The following HGS variants were observed in gnomAD, a reference collection of about 807,000 sequenced individuals.
HGS encodes the protein hepatocyte growth factor-regulated tyrosine kinase substrate.
In HGS, 63 loss-of-function variants were observed where a neutral mutation model predicts 109.7. The ratio of observed to expected loss-of-function variants is 0.57; its 90% CI spans 0.47 to 0.71. The LOEUF (loss-of-function observed/expected upper bound fraction) is 0.71, where lower values mean the gene tolerates loss of function less well. Ranked by LOEUF, HGS falls within the 30% of genes least tolerant of loss-of-function variation. The pLI, the probability that HGS is intolerant of heterozygous loss-of-function variation, is 0.00. For missense variants in HGS, 995 were observed against 1,068.3 expected, an observed-to-expected ratio of 0.93 and a Z score of 0.96; for synonymous variants, 546 against 437.3, an observed-to-expected ratio of 1.25 and a Z score of -3.10.
chr17:81,701,236 G>C (rs1168766031), intron 21 of HGS, 105 bp downstream of exon 21: 7 of 1,052,844 alleles, frequency 6.6e-6, no homozygotes, highest in Middle Eastern at 2.1e-4. Context: ...CCGTACGTCT[G>C]CTCACAGGGG....
At position 81,691,456 on chromosome 17, in the gene HGS, C is replaced by T. The variant is rs970674266; in HGVS notation, c.547C>T (p.Arg183Trp). 1 of 1,614,056 alleles carries T rather than the reference C, an allele frequency of 6.2e-7. No homozygotes were observed. The highest frequency in any genetic ancestry group is 8.5e-7 in the Non-Finnish European group (1 of 1,180,002). ...CCGCCCCATCTTACAGCACCACTGC[C>T]GGGCGTGTGGGCAGATATTCTGTGG... ...FGVMTRKHHC[R>W]ACGQIFCGKC... The change falls in exon 8 of 22, where the codon CGG (arginine) becomes TGG (tryptophan). Residue 183 changes from arginine to tryptophan, a missense_variant. Arg to Trp is a moderately radical substitution (Grantham distance 101). Coordinates refer to ENST00000329138, the MANE Select transcript of HGS (RefSeq NM_004712.5). This position sits in a 1 kb window ranked among gnomAD's most constrained non-coding sequence, Gnocchi z 5.3.
At chr17:81,701,021 A>T (rs1345892180) in intron 20 of HGS, 24 bp from the exon 21 acceptor site, 2 of 1,604,562 alleles carry the variant, frequency 1.2e-6, no homozygotes, top group Admixed American at 3.3e-5. Context: ...CTACTCTCTC[A>T]CATCTGACGT....
chr17:81,693,303 C>T (rs746332038), intron 8 of HGS, among the ~76,000 whole-genome samples, 200 bp from the exon 9 acceptor site: 29 of 152,212 alleles, frequency 1.9e-4, no homozygotes, highest in Admixed American at 7.2e-4. Context: ...CTCACCCGAG[C>T]CCTTGTGGCT....
chr17:81,700,894 C>T, intron 20 of HGS, 80 bp downstream of exon 20: 1 of 1,566,868 alleles, frequency 6.4e-7, no homozygotes, highest in South Asian at 1.2e-5. Flanking sequence ...GTGAGGCTGG[C>T]AGGCACTGGG....
Position 81,695,804 on chromosome 17 carries a change from G to A in HGS, c.1198G>A (p.Glu400Lys), listed in dbSNP as rs1300828876. Reference sequence around the variant, plus strand: ...CCTGCAGCCACAGTTCCACAATGGCGAGTCTGAGGAGAGCCACGAGCAGTT... The same window carrying A: ...CCTGCAGCCACAGTTCCACAATGGCAAGTCTGAGGAGAGCCACGAGCAGTT... ...PFSEPQFHNG[E>K]SEESHEQFLK... Residue 400 changes from glutamate to lysine, a missense_variant, in exon 15 of 22, where the codon GAG becomes AAG. Around this residue, in one of 6 missense-constraint regions of HGS, gnomAD observed 300 missense variants for 235.4 expected, o/e 1.27. Coordinates refer to ENST00000329138, the MANE Select transcript of HGS (RefSeq NM_004712.5). 1.5e-5 allele frequency: 25 copies of A among 1,613,338 alleles called. No individual in the cohort carries two copies. The highest frequency in any genetic ancestry group is 2.1e-5 in the Non-Finnish European group (25 of 1,180,018).
Position 81,701,707 on chromosome 17 carries a change from C to A in HGS, c.*89C>A. 1 of 1,483,582 alleles carries A rather than the reference C, an allele frequency of 6.7e-7. No homozygotes were observed. 91.9% of individuals were successfully genotyped at this position (1,483,582 alleles called of 1,614,324 possible). On this transcript the variant is annotated 3_prime_UTR_variant, in exon 22 of 22. Coordinates refer to ENST00000329138, the MANE Select transcript of HGS (RefSeq NM_004712.5). Reference sequence around the variant, plus strand: ...ACTGCCGTCGTCCTGCCTCCCTGTCCTCTACTGCCGGTAGTGTCCCTTCTC... The same window carrying A: ...ACTGCCGTCGTCCTGCCTCCCTGTCATCTACTGCCGGTAGTGTCCCTTCTC...
At chr17:81,698,145 A>G (rs2037182972) in intron 18 of HGS, 1 of 152,220 alleles carries the variant, frequency 6.6e-6, no homozygotes, top group African/African-American at 2.4e-5. Context: ...TAAACATACA[A>G]ACATTAGGTG....
chr17:81,697,099 G>C lies in HGS; in HGVS notation c.1882+101G>C, dbSNP rs967042549. 40 of 1,278,656 alleles carry C rather than the reference G, an allele frequency of 3.1e-5. No individual in the cohort carries two copies. In the South Asian group the frequency reaches 6.0e-4, roughly 19 times the overall value. The allele number at this position is 1,278,656 out of a possible 1,614,324, so 79.2% of individuals were successfully genotyped here. ...AAGAATGGTGCGAAGGGTTTTCCCA[G>C]TTGCCCCGATGTGAATGTTGTCCCT... On this transcript the variant is annotated intron_variant, in intron 18 of 21. Coordinates refer to ENST00000329138, the MANE Select transcript of HGS (RefSeq NM_004712.5).
At chr17:81,695,658 T>C in intron 14 of HGS, 128 bp from the exon 15 acceptor site, 3 of 802,184 alleles carry the variant, frequency 3.7e-6, no homozygotes, top group Non-Finnish European at 6.2e-6. Flanking sequence ...TAGAAGGGGC[T>C]GCTTGCATAA....
chr17:81,701,065 A>G lies in HGS; in HGVS notation c.2157A>G (p.Pro719=). The G allele has an allele frequency of 6.2e-7, 1 of 1,613,988 alleles. No individual in the cohort carries two copies. Among genetic ancestry groups the G allele is most frequent in the Non-Finnish European group, 8.5e-7 (1 of 1,179,988 alleles). Residue 719 remains proline (P), a synonymous_variant, in exon 21 of 22, where the codon CCA becomes CCG. Transcript: ENST00000329138. ...AACAGAATCTCATGACCACCCTCCC[A>G]AGCCAGGATGCGTCTCTGCCACCCC... ...YNMQNLMTTL[P]SQDASLPPQQ...
At chr17:81,686,131 G>A (rs2036975915) in intron 2 of HGS, 181 bp from the exon 3 acceptor site, 4 of 590,274 alleles carry the variant, frequency 6.8e-6, no homozygotes, top group East Asian at 2.9e-5. Flanking sequence ...GGTTTTTGCC[G>A]TAATGCACAG....
At chr17:81,692,119 G>A (rs545639532) in intron 8 of HGS, 9 of 157,928 alleles carry the variant, frequency 5.7e-5, no homozygotes, top group African/African-American at 2.2e-4. Context: ...GTGCTCTCAT[G>A]GCCACAGCAG....
intron 1 of HGS, chr17:81,685,177 C>T: frequency 1.7e-6 from 1 of 580,464 alleles, no homozygotes; most frequent in Non-Finnish European, 2.2e-6. Context: ...TAGCCCTTGC[C>T]CAAGCTAAGG....
intron 2 of HGS, 52 bp downstream of exon 2, chr17:81,685,741 C>T: frequency 6.8e-7 from 1 of 1,460,202 alleles, no homozygotes; most frequent in Non-Finnish European, 9.5e-7. Flanking sequence ...GTGCACTAAG[C>T]TGGGCTCGCT....
At chr17:81,698,843 T>TGA (rs2037192428) in intron 18 of HGS, among the ~76,000 whole-genome samples, 1 of 152,214 alleles carries the variant, frequency 6.6e-6, no homozygotes, top group African/African-American at 2.4e-5. Context: ...CCAAGGCGCG[T>TGA]GGCTCACCTG....
chr17:81,695,461 T>C (rs1001969115), intron 14 of HGS, among the ~76,000 whole-genome samples: 3 of 152,222 alleles, frequency 2.0e-5, no homozygotes. Flanking sequence ...TGGACCTGAA[T>C]ATTCCAGAGC....
intron 5 of HGS, among the ~76,000 whole-genome samples, chr17:81,689,392 G>A (rs371567429): frequency 1.2e-4 from 19 of 152,248 alleles, no homozygotes; most frequent in African/African-American, 4.1e-4. Context: ...TGGCTGCCAA[G>A]GTGTGTTTCT....
At chr17:81,693,436 T>G in intron 8 of HGS, 67 bp from the exon 9 acceptor site, 1 of 1,214,134 alleles carries the variant, frequency 8.2e-7, no homozygotes, top group Non-Finnish European at 1.2e-6. Context: ...GAGGTGTGGT[T>G]GAGAGCTTTG....
At position 81,697,325 on chromosome 17, in the gene HGS, C is replaced by T. The variant is rs143191521; in HGVS notation, c.1882+327C>T. On this transcript the variant is annotated intron_variant, in intron 18 of 21. Coordinates refer to ENST00000329138, the MANE Select transcript of HGS (RefSeq NM_004712.5). ...TGTCCCAGTGGTGTCCTGTAAACAGCACGCCCCCTGCTGCGTGGCATTTGC... is the reference window on the plus strand; with the variant it reads ...TGTCCCAGTGGTGTCCTGTAAACAGTACGCCCCCTGCTGCGTGGCATTTGC... The T allele has an allele frequency of 1.6e-3, 339 of 211,110 alleles. 2 individuals are homozygous for T. Among genetic ancestry groups the T allele is most frequent in the African/African-American group, 7.6e-3 (320 of 42,370 alleles). 13.1% of individuals were successfully genotyped at this position (211,110 alleles called of 1,614,324 possible).
Sources: gnomAD v4.1 joint callset for allele counts (sites outside exome capture counted in the v4.1 genomes callset) on GRCh38, gnomAD v4.1.1 for gene constraint, gnomAD v4.1.1 regional missense constraint, Gnocchi (gnomAD v3.1) non-coding constraint, MANE v1.5 for transcripts, NCBI Gene and HGNC (gene_info 2026-07-23, HGNC 2026-07-21) for gene names.